Variants in SIN3A observed in about 807,000 individuals in gnomAD.
The protein encoded by SIN3A is SIN3 transcription regulator family member A, also known as paired amphipathic helix protein Sin3a.
In SIN3A, 14 loss-of-function variants were observed where a neutral mutation model predicts 146.1. The observed-to-expected ratio is 0.10, with a 90% CI of 0.06 to 0.15. SIN3A has a LOEUF of 0.15. Among genes scored for constraint, SIN3A ranks in the 10% least tolerant of loss-of-function variants. SIN3A has a pLI of 1.00. For missense variants in SIN3A, 1,028 were observed against 1,576.0 expected, an observed-to-expected ratio of 0.65 and a Z score of 5.89; for synonymous variants, 572 against 572.0, an observed-to-expected ratio of 1.00 and a Z score of 0.00.
At chr15:75,381,348 A>G (rs944492971) in intron 18 of SIN3A, among the ~76,000 whole-genome samples, 1 of 152,220 alleles carries the variant, frequency 6.6e-6, no homozygotes, top group African/African-American at 2.4e-5. Flanking sequence ...ATACTTTAGG[A>G]AAAAACAGGA....
At chr15:75,424,515 C>G (rs2073892754) in intron 2 of SIN3A, among the ~76,000 whole-genome samples, 1 of 152,062 alleles carries the variant, frequency 6.6e-6, no homozygotes, top group African/African-American at 2.4e-5. Context: ...GCTCTCTCAC[C>G]CAGGCTGGAG....
At chr15:75,416,402 T>C in intron 3 of SIN3A, among the ~76,000 whole-genome samples, 1 of 152,254 alleles carries the variant, frequency 6.6e-6, no homozygotes, top group East Asian at 1.9e-4. Flanking sequence ...CTTGGCTCAC[T>C]GTAACCTCTG....
chr15:75,395,276 G>C (rs2073281221), intron 13 of SIN3A, among the ~76,000 whole-genome samples: 1 of 152,148 alleles, frequency 6.6e-6, no homozygotes, highest in Non-Finnish European at 1.5e-5. Context: ...ATACAGTCAG[G>C]AAAGTTCTGA....
chr15:75,374,649 A>T (rs1413312546), intron 20 of SIN3A, among the ~76,000 whole-genome samples: 2 of 152,224 alleles, frequency 1.3e-5, no homozygotes, highest in Non-Finnish European at 2.9e-5. Flanking sequence ...TTCTAACTTC[A>T]TGCAACCTTG....
intron 3 of SIN3A, chr15:75,421,884 A>G (rs2073844722): frequency 6.6e-6 from 1 of 152,224 alleles, no homozygotes; most frequent in South Asian, 2.1e-4. Flanking sequence ...ATGCCTCATG[A>G]ATTTCAAAGC....
At chr15:75,386,446 C>T (rs774080313) in intron 16 of SIN3A, among the ~76,000 whole-genome samples, 10 of 152,184 alleles carry the variant, frequency 6.6e-5, no homozygotes, top group African/African-American at 2.2e-4. Context: ...GAGACAGCTA[C>T]GGAACTCCCA....
chr15:75,404,621 G>A (rs948829680), intron 9 of SIN3A, among the ~76,000 whole-genome samples: 18 of 151,964 alleles, frequency 1.2e-4, no homozygotes, highest in African/African-American at 4.3e-4. Context: ...TTAGCTGGGT[G>A]TGGTGGTGGG....
Position 75,411,621 on chromosome 15 carries a change from G to A in SIN3A, c.879C>T (p.Ala293=), listed in dbSNP as rs771053312. ...CAGGTTGATTGTTCTGCAAGGATGGGGCCGTTCCCAACGAGATTGTCACTG... is the reference window on the plus strand; with the variant it reads ...CAGGTTGATTGTTCTGCAAGGATGGAGCCGTTCCCAACGAGATTGTCACTG... ...HTPVTISLGT[A]PSLQNNQPVE... Residue 293 remains alanine (A), a synonymous_variant, in exon 6 of 21, where the codon GCC becomes GCT. Transcript: ENST00000394947. 6 of 1,614,048 alleles carry A rather than the reference G, an allele frequency of 3.7e-6. No individual in the cohort carries two copies. In the South Asian group the frequency reaches 4.4e-5, roughly 12 times the overall value.
chr15:75,446,665 A>G (rs922575079), intron 1 of SIN3A, among the ~76,000 whole-genome samples: 1 of 151,426 alleles, frequency 6.6e-6, no homozygotes, highest in African/African-American at 2.4e-5. Flanking sequence ...CTAATTTTTA[A>G]TTTTTTTATA....
At chr15:75,396,946 A>C (rs749976684) in intron 12 of SIN3A, among the ~76,000 whole-genome samples, 8 of 152,214 alleles carry the variant, frequency 5.3e-5, no homozygotes, top group Non-Finnish European at 7.3e-5. Flanking sequence ...AAACAATCCC[A>C]AAAGACCGCT....
chr15:75,420,319 C>T (rs1309604476), intron 3 of SIN3A: 1 of 146,052 alleles, frequency 6.8e-6, no homozygotes. Flanking sequence ...AGACAAAAAA[C>T]AAAAAAAAAA....
intron 19 of SIN3A, chr15:75,376,118 T>C (rs1302475392): frequency 3.6e-6 from 2 of 557,900 alleles, no homozygotes; most frequent in African/African-American, 3.8e-5. Context: ...AGAGTTTTAA[T>C]GAGAAACTTC....
chr15:75,373,491 C>T (rs1023448096), intron 20 of SIN3A, among the ~76,000 whole-genome samples: 1 of 152,178 alleles, frequency 6.6e-6, no homozygotes, highest in African/African-American at 2.4e-5. Context: ...CCCTCTTCAG[C>T]CTACTCAACA....
chr15:75,380,966 A>C (rs2072953278), intron 18 of SIN3A: 1 of 343,652 alleles, frequency 2.9e-6, no homozygotes, highest in African/African-American at 2.0e-5. Flanking sequence ...ATAAACAGGT[A>C]GAAGCTGGCT....
intron 3 of SIN3A, 118 bp downstream of exon 3, chr15:75,422,529 T>C: frequency 1.7e-6 from 2 of 1,174,106 alleles, no homozygotes; most frequent in Non-Finnish European, 2.5e-6. Context: ...CGGTAAAACT[T>C]GTGATTCGAC....
intron 12 of SIN3A, among the ~76,000 whole-genome samples, chr15:75,399,206 T>TGA (rs2073363138): frequency 6.6e-6 from 1 of 151,190 alleles, no homozygotes; most frequent in African/African-American, 2.4e-5. Context: ...GGCAATAGAA[T>TGA]GAGACCCTGT....
intron 1 of SIN3A, chr15:75,446,529 T>A (rs2074310237): frequency 6.6e-6 from 1 of 151,996 alleles, no homozygotes; most frequent in African/African-American, 2.4e-5. Flanking sequence ...TCTCATTTTG[T>A]CGTCAAGGCT....
chr15:75,387,324 A>C (rs2073104800), intron 16 of SIN3A, among the ~76,000 whole-genome samples: 1 of 152,208 alleles, frequency 6.6e-6, no homozygotes, highest in East Asian at 1.9e-4. Flanking sequence ...CATAAGTTTG[A>C]GGCCAGCCTG....
intron 19 of SIN3A, among the ~76,000 whole-genome samples, chr15:75,378,438 C>T (rs2072905910): frequency 6.6e-6 from 1 of 152,146 alleles, no homozygotes; most frequent in African/African-American, 2.4e-5. Context: ...GTGGCACATG[C>T]CTGTAATCCC....
Sources: gnomAD v4.1 joint callset for allele counts (sites outside exome capture counted in the v4.1 genomes callset) on GRCh38, gnomAD v4.1.1 for gene constraint, MANE v1.5 for transcripts, NCBI Gene and HGNC (gene_info 2026-07-23, HGNC 2026-07-21) for gene names.